MSH4: variants seen among roughly 807,000 people sequenced by gnomAD.
MSH4 encodes the protein mutS protein homolog 4.
In MSH4, 106 loss-of-function variants were observed where a neutral mutation model predicts 113.7. That is an observed-to-expected ratio of 0.93 (90% CI 0.80 to 1.10). The LOEUF (loss-of-function observed/expected upper bound fraction) is 1.10, where lower values mean the gene tolerates loss of function less well. Among genes scored for constraint, MSH4 ranks in the 50% least tolerant of loss-of-function variants. The pLI is 0.00. For synonymous variants in MSH4, 368 were observed against 380.2 expected, an observed-to-expected ratio of 0.97 and a Z score of 0.37; for missense variants, 1,061 against 1,093.7, an observed-to-expected ratio of 0.97 and a Z score of 0.42.
chr1:75,885,232 A>AAT (rs549119479), intron 15 of MSH4, among the ~76,000 whole-genome samples: 6 of 141,432 alleles, frequency 4.2e-5, no homozygotes, highest in African/African-American at 1.0e-4. Flanking sequence ...ATATAATATA[A>AAT]ATATATATAT....
chr1:75,803,632 G>GA (rs1038253119), intron 1 of MSH4, 99 bp from the exon 2 acceptor site: 56 of 938,636 alleles, frequency 6.0e-5, no homozygotes, highest in South Asian at 1.0e-4. Flanking sequence ...AAGAAAAAAA[G>GA]AAAAAAAAGG....
intron 8 of MSH4, among the ~76,000 whole-genome samples, chr1:75,856,533 C>T (rs1488573919): frequency 5.3e-5 from 8 of 152,056 alleles, no homozygotes; most frequent in Non-Finnish European, 8.8e-5. Flanking sequence ...TGAGAACATG[C>T]GGTGTTTGGT....
chr1:75,880,116 C>A lies in MSH4; in HGVS notation c.1744C>A (p.Gln582Lys). The change falls in exon 13 of 20, where the codon CAA (glutamine) becomes AAA (lysine). Residue 582 changes from glutamine (Q) to lysine (K), a missense_variant. Coordinates refer to ENST00000263187, the MANE Select transcript of MSH4 (RefSeq NM_002440.4). ...TTTAATTAAAATGAATGAAAGATGC[C>A]AAGAATCTTTGAGAGAAATCTATCA... ...ADLIKMNERC[Q>K]ESLREIYHMT... 1 of 1,592,980 alleles carries A rather than the reference C, an allele frequency of 6.3e-7. No individual in the cohort carries two copies. The highest frequency in any genetic ancestry group is 1.1e-5 in the South Asian group (1 of 87,284).
intron 1 of MSH4, among the ~76,000 whole-genome samples, chr1:75,800,243 C>A (rs1281109312): frequency 6.6e-6 from 1 of 152,122 alleles, no homozygotes; most frequent in East Asian, 1.9e-4. Flanking sequence ...GTTCTACACA[C>A]GTCTTTATGA....
At chr1:75,879,748 T>C (rs1651891287) in intron 12 of MSH4, among the ~76,000 whole-genome samples, 1 of 152,148 alleles carries the variant, frequency 6.6e-6, no homozygotes, top group Non-Finnish European at 1.5e-5. Context: ...TCATGCGTGT[T>C]ACTTGGTAAT....
At chr1:75,899,564 TA>T in intron 18 of MSH4, 53 bp from the exon 19 acceptor site, 3 of 1,053,386 alleles carry the variant, frequency 2.8e-6, no homozygotes, top group South Asian at 3.9e-5. Context: ...AAAAGAAGCA[TA>T]AAAATGCCAG....
In MSH4 at chr1:75,807,093, C is replaced by A. The variant is rs144700439; in HGVS notation, c.540C>A (p.Asn180Lys). The A allele has an allele frequency of 1.1e-4, 169 of 1,583,436 alleles. 2 individuals are homozygous for A. The highest frequency in any genetic ancestry group is 4.6e-4 in the South Asian group (39 of 84,334). ...EIGMASIDLK[N>K]PQIILSQFAD... ...GAATGGCAAGTATTGATTTAAAAAACCCCCAAATTATACTATCCCAGTTTG... is the reference window on the plus strand; with the variant it reads ...GAATGGCAAGTATTGATTTAAAAAAACCCCAAATTATACTATCCCAGTTTG... Residue 180 changes from asparagine (N) to lysine (K), a missense_variant, in exon 3 of 20, where the codon AAC becomes AAA. By Grantham distance (94) the Asn-to-Lys change is moderately conservative. Transcript: ENST00000263187.
At chr1:75,886,477 T>TATATATGATGTATTATATATTATATATA (rs1557524932) in intron 15 of MSH4, among the ~76,000 whole-genome samples, 6 of 125,298 alleles carry the variant, frequency 4.8e-5, no homozygotes, top group Non-Finnish European at 9.3e-5. Flanking sequence ...TTATATATAA[T>TATATATGATGTATTATATATTATATATA]ATATATGATG....
intron 8 of MSH4, among the ~76,000 whole-genome samples, chr1:75,858,872 T>C (rs746103052): frequency 2.4e-4 from 36 of 152,206 alleles, no homozygotes; most frequent in Non-Finnish European, 4.6e-4. Context: ...CTGGTAGAAT[T>C]TGGCTATGAA....
Position 75,883,793 on chromosome 1 carries a change from T to A in MSH4, c.2079T>A (p.Ile693=). Residue 693 remains isoleucine, a synonymous_variant, in exon 15 of 20, where the codon ATT becomes ATA. Coordinates refer to ENST00000263187, the MANE Select transcript of MSH4 (RefSeq NM_002440.4). The part of the protein sequence containing the change: ...MSGKSTYLKQ[I]ALCQIMAQIG... ...GAAAATCCACATATTTAAAACAGATTGCTCTTTGTCAGATTATGGCCCAGA... is the reference window on the plus strand; with the variant it reads ...GAAAATCCACATATTTAAAACAGATAGCTCTTTGTCAGATTATGGCCCAGA... 1 of 1,612,964 alleles carries A rather than the reference T, an allele frequency of 6.2e-7. No homozygotes were observed. Among genetic ancestry groups the A allele is most frequent in the Non-Finnish European group, 8.5e-7 (1 of 1,179,486 alleles).
chr1:75,841,653 G>C (rs1217056259), intron 7 of MSH4, among the ~76,000 whole-genome samples: 1 of 152,024 alleles, frequency 6.6e-6, no homozygotes, highest in African/African-American at 2.4e-5. Flanking sequence ...TTTCCTTCAG[G>C]CAATATGGAG....
intron 3 of MSH4, among the ~76,000 whole-genome samples, chr1:75,807,603 T>A (rs1415060377): frequency 1.3e-5 from 2 of 152,186 alleles, no homozygotes; most frequent in Non-Finnish European, 2.9e-5. Flanking sequence ...AGTTGCATCA[T>A]GTTAGATGCA....
At chr1:75,840,427 C>A (rs1650930389) in intron 7 of MSH4, among the ~76,000 whole-genome samples, 1 of 145,868 alleles carries the variant, frequency 6.9e-6, no homozygotes, top group Non-Finnish European at 1.5e-5. Context: ...GAACAAAAAA[C>A]CAAACACTGC....
intron 6 of MSH4, among the ~76,000 whole-genome samples, chr1:75,821,731 C>T (rs535026872): frequency 1.6e-4 from 24 of 152,270 alleles, no homozygotes; most frequent in African/African-American, 5.5e-4. Flanking sequence ...ATCTCAGCCT[C>T]CTGACTAACT....
At chr1:75,877,072 C>A in intron 10 of MSH4, 72 bp downstream of exon 10, 3 of 996,750 alleles carry the variant, frequency 3.0e-6, no homozygotes, top group East Asian at 5.3e-5. Context: ...ATTTTAAAGA[C>A]TCTAATTGTA....
At chr1:75,894,904 CA>C (rs1057416365) in intron 17 of MSH4, among the ~76,000 whole-genome samples, 17 of 152,204 alleles carry the variant, frequency 1.1e-4, no homozygotes, top group Middle Eastern at 3.4e-3. Context: ...TGCTTTGAAT[CA>C]GCTTCCAATA....
chr1:75,826,759 A>C (rs1168552924), intron 7 of MSH4, among the ~76,000 whole-genome samples: 1 of 152,154 alleles, frequency 6.6e-6, no homozygotes, highest in Non-Finnish European at 1.5e-5. Context: ...CTTTCCATGC[A>C]GTTGTGCAGT....
chr1:75,894,834 A>C (rs775359855), intron 17 of MSH4, among the ~76,000 whole-genome samples: 2 of 152,154 alleles, frequency 1.3e-5, no homozygotes, highest in African/African-American at 2.4e-5. Context: ...CTCAATTACA[A>C]CACCAGCTAA....
intron 1 of MSH4, among the ~76,000 whole-genome samples, chr1:75,799,792 G>T (rs1019024369): frequency 6.6e-6 from 1 of 152,152 alleles, no homozygotes; most frequent in Non-Finnish European, 1.5e-5. Context: ...TTGGTGACTG[G>T]ATAGATGGTA....
Sources: gnomAD v4.1 joint callset for allele counts (sites outside exome capture counted in the v4.1 genomes callset) on GRCh38, gnomAD v4.1.1 for gene constraint, MANE v1.5 for transcripts, NCBI Gene and HGNC (gene_info 2026-07-23, HGNC 2026-07-21) for gene names.